Variants in XKR6 observed in about 807,000 individuals in gnomAD.
XKR6 encodes the protein XK-related protein 6.
A neutral mutation model predicts 56.7 loss-of-function variants in XKR6; 22 were observed. The ratio of observed to expected loss-of-function variants is 0.39; its 90% CI spans 0.28 to 0.55. The LOEUF is 0.55. XKR6 is among the 20% of genes least tolerant of loss of function. XKR6 has a pLI of 0.66. For synonymous variants in XKR6, 524 were observed against 387.8 expected (o/e 1.35, Z -4.13); for missense variants, 852 against 889.0 (o/e 0.96, Z 0.53).
chr8:10,941,384 T>C (rs142453930), intron 1 of XKR6, among the ~76,000 whole-genome samples: 1 of 152,324 alleles, frequency 6.6e-6, no homozygotes, highest in East Asian at 1.9e-4. Flanking sequence ...GACCCCAGGA[T>C]GGGCACCATG....
intron 1 of XKR6, among the ~76,000 whole-genome samples, chr8:10,968,625 A>ATT (rs1370979283): frequency 7.2e-5 from 11 of 152,226 alleles, no homozygotes; most frequent in African/African-American, 2.7e-4. Context: ...CCACCACTGT[A>ATT]TTACCTTCTC....
At position 10,997,224 on chromosome 8, in the gene XKR6, C is replaced by G. The variant is rs377717109; in HGVS notation, c.765-72394G>C. 8.3e-4 allele frequency among the ~76,000 whole-genome samples: 127 copies of G among 152,298 alleles called. 1 individual carries two copies. The highest frequency in any genetic ancestry group is 3.0e-3 in the African/African-American group (126 of 41,568). ...ACACAGAGCACCAAGTTCATGCCAG[C>G]CACCATGCTCAGCCCAACAACACAC... is the stretch of plus-strand genomic sequence containing the variant. On this transcript the variant is annotated intron_variant, in intron 1 of 2. Transcript: ENST00000416569.
At chr8:11,165,090 CTTT>C (rs35783491) in intron 1 of XKR6, among the ~76,000 whole-genome samples, 2 of 82,472 alleles carry the variant, frequency 2.4e-5, no homozygotes, top group East Asian at 2.6e-4. Flanking sequence ...AGGCTATCAC[CTTT>C]TTTTTTTTTT....
chr8:10,924,501 G>A (rs1374636056), intron 2 of XKR6, 133 bp downstream of exon 2: 25 of 1,062,182 alleles, frequency 2.4e-5, no homozygotes, highest in South Asian at 1.9e-4. Context: ...ACTGGGGGCC[G>A]GGCGTCCTGG....
At chr8:11,107,142 C>A (rs1003086499) in intron 1 of XKR6, among the ~76,000 whole-genome samples, 11 of 151,574 alleles carry the variant, frequency 7.3e-5, no homozygotes, top group African/African-American at 2.7e-4. Context: ...TAGAAAGGAA[C>A]TGTACTATGA....
At chr8:11,055,508 C>T (rs1398514302) in intron 1 of XKR6, among the ~76,000 whole-genome samples, 1 of 152,188 alleles carries the variant, frequency 6.6e-6, no homozygotes, top group Non-Finnish European at 1.5e-5. Flanking sequence ...AGGAGAGCCA[C>T]AGGCCTCCCT....
At chr8:11,053,812 A>T (rs1283906913) in intron 1 of XKR6, among the ~76,000 whole-genome samples, 3 of 152,212 alleles carry the variant, frequency 2.0e-5, no homozygotes, top group African/African-American at 7.2e-5. Flanking sequence ...TCCAGCAAAC[A>T]TCCCCACCAT....
At chr8:11,171,621 T>C (rs1198092948) in intron 1 of XKR6, among the ~76,000 whole-genome samples, 3 of 152,156 alleles carry the variant, frequency 2.0e-5, no homozygotes, top group Non-Finnish European at 4.4e-5. Flanking sequence ...CCGTGTGATC[T>C]CTGCACACAC....
intron 1 of XKR6, among the ~76,000 whole-genome samples, chr8:11,198,220 C>T (rs1302126990): frequency 1.3e-5 from 2 of 152,088 alleles, no homozygotes; most frequent in Non-Finnish European, 1.5e-5. Flanking sequence ...ATGATTTCAA[C>T]GCAAACAACA....
chr8:11,112,206 AGTTGTCATCATGGT>A (rs1420273569), intron 1 of XKR6, among the ~76,000 whole-genome samples: 1 of 152,204 alleles, frequency 6.6e-6, no homozygotes, highest in African/African-American at 2.4e-5. Flanking sequence ...TTCTTTTAAA[AGTTGTCATCATGGT>A]GACAGACATT....
At chr8:11,198,079 T>C (rs544408251) in intron 1 of XKR6, among the ~76,000 whole-genome samples, 29 of 152,318 alleles carry the variant, frequency 1.9e-4, no homozygotes, top group African/African-American at 5.5e-4. Flanking sequence ...ACAGCAAATA[T>C]GTTTAAGGCA....
At chr8:11,190,195 GAAAGAAAGA>G (rs778277468) in intron 1 of XKR6, among the ~76,000 whole-genome samples, 5,861 of 70,394 alleles carry the variant, frequency 0.083, 231 homozygotes, top group African/African-American at 0.27. Flanking sequence ...AAGAAAGAAA[GAAAGAAAGA>G]AAAGAAAGAA....
At chr8:11,070,006 G>A (rs1393625348) in intron 1 of XKR6, among the ~76,000 whole-genome samples, 1 of 152,216 alleles carries the variant, frequency 6.6e-6, no homozygotes, top group Non-Finnish European at 1.5e-5. Flanking sequence ...CCCAAGCAGT[G>A]TTTCCTAAAG....
intron 1 of XKR6, among the ~76,000 whole-genome samples, chr8:10,932,436 T>A: frequency 6.6e-6 from 1 of 151,462 alleles, no homozygotes. Flanking sequence ...TTTTTTTTTT[T>A]TATTATACTT....
chr8:11,059,594 G>A (rs1054438308), intron 1 of XKR6, among the ~76,000 whole-genome samples: 2 of 151,752 alleles, frequency 1.3e-5, no homozygotes, highest in African/African-American at 4.8e-5. Flanking sequence ...GGCGGTGCCA[G>A]TGGAGGAGGA....
At chr8:10,916,071 G>C (rs964168798) in intron 2 of XKR6, among the ~76,000 whole-genome samples, 2 of 152,232 alleles carry the variant, frequency 1.3e-5, no homozygotes, top group African/African-American at 4.8e-5. Context: ...CTGACCCCAA[G>C]ATCAGCACTG....
intron 2 of XKR6, among the ~76,000 whole-genome samples, chr8:10,899,854 T>C (rs188727606): frequency 2.4e-4 from 36 of 152,322 alleles, no homozygotes; most frequent in Admixed American, 1.2e-3. Flanking sequence ...AACAATTTTA[T>C]ATCCAACTCT....
intron 1 of XKR6, among the ~76,000 whole-genome samples, chr8:11,014,353 CA>C (rs1563346422): frequency 6.6e-6 from 1 of 152,186 alleles, no homozygotes; most frequent in Admixed American, 6.5e-5. Flanking sequence ...GGACCAACCA[CA>C]AAAGGAAAGT....
At chr8:10,933,043 C>T (rs555078593) in intron 1 of XKR6, among the ~76,000 whole-genome samples, 2,390 of 152,194 alleles carry the variant, frequency 0.016, 69 homozygotes, top group African/African-American at 0.054. Context: ...GTCCCACCAA[C>T]AGTGTAAAAG....
Sources: gnomAD v4.1 joint callset for allele counts (sites outside exome capture counted in the v4.1 genomes callset) on GRCh38, gnomAD v4.1.1 for gene constraint, MANE v1.5 for transcripts, NCBI Gene and HGNC (gene_info 2026-07-23, HGNC 2026-07-21) for gene names.